ROR1: variants seen among roughly 807,000 people sequenced by gnomAD.
The protein encoded by ROR1 is inactive tyrosine-protein kinase transmembrane receptor ROR1.
A neutral mutation model predicts 78.8 loss-of-function variants in ROR1; 19 were observed. That is an observed-to-expected ratio of 0.24 (90% CI 0.17 to 0.35). The LOEUF (loss-of-function observed/expected upper bound fraction) is 0.35, where lower values mean the gene tolerates loss of function less well. Among genes scored for constraint, ROR1 ranks in the 10% least tolerant of loss-of-function variants. The pLI is 1.00. For synonymous variants in ROR1, 386 were observed against 433.6 expected (o/e 0.89, Z 1.36); for missense variants, 917 against 1,177.8 (o/e 0.78, Z 3.24).
intron 7 of ROR1, among the ~76,000 whole-genome samples, chr1:64,155,407 G>A (rs1649742516): frequency 6.6e-6 from 1 of 152,162 alleles, no homozygotes. Flanking sequence ...GGGCCTGAAT[G>A]TGTTTCTGTC....
chr1:63,930,224 C>T (rs767650212), intron 1 of ROR1, among the ~76,000 whole-genome samples: 15 of 151,970 alleles, frequency 9.9e-5, no homozygotes, highest in East Asian at 5.8e-4. Context: ...GCAGGGATTC[C>T]GGCTTATTGG....
At chr1:64,134,748 C>CTTT (rs58315931) in intron 4 of ROR1, among the ~76,000 whole-genome samples, 3 of 131,572 alleles carry the variant, frequency 2.3e-5, no homozygotes, top group Non-Finnish European at 1.6e-5. Flanking sequence ...TTCTTTCATT[C>CTTT]TTTTTTTTTT....
chr1:64,025,179 A>G (rs1229795649), intron 2 of ROR1, among the ~76,000 whole-genome samples: 5 of 152,162 alleles, frequency 3.3e-5, no homozygotes, highest in Non-Finnish European at 7.4e-5. Flanking sequence ...ACCCCTAGGA[A>G]GGGCAGCAGA....
chr1:63,838,589 CAA>C (rs1378021412), intron 1 of ROR1, among the ~76,000 whole-genome samples: 3 of 151,858 alleles, frequency 2.0e-5, no homozygotes, highest in East Asian at 1.9e-4. Context: ...AGCATTATTA[CAA>C]AAGAGTCCAG....
At chr1:64,098,328 C>T (rs1034900448) in intron 4 of ROR1, among the ~76,000 whole-genome samples, 16 of 152,030 alleles carry the variant, frequency 1.1e-4, no homozygotes, top group South Asian at 2.1e-4. Flanking sequence ...AGAAGGGGCC[C>T]GGGCTGTGCA....
At chr1:64,067,956 C>T (rs189766068) in intron 4 of ROR1, among the ~76,000 whole-genome samples, 141 of 152,176 alleles carry the variant, frequency 9.3e-4, no homozygotes, top group African/African-American at 3.3e-3. Flanking sequence ...TCGTGACCTG[C>T]CCACCTTGGC....
intron 4 of ROR1, among the ~76,000 whole-genome samples, chr1:64,128,916 T>C (rs1648813987): frequency 6.6e-6 from 1 of 152,154 alleles, no homozygotes; most frequent in African/African-American, 2.4e-5. Flanking sequence ...GGGAAGCCTT[T>C]AGGAAGATTG....
intron 1 of ROR1, among the ~76,000 whole-genome samples, chr1:63,851,808 T>C (rs1331205454): frequency 6.6e-6 from 1 of 152,264 alleles, no homozygotes; most frequent in Non-Finnish European, 1.5e-5. Flanking sequence ...AATGATTTTG[T>C]AAATAATCCT....
chr1:63,801,336 C>A (rs1434897575), intron 1 of ROR1, among the ~76,000 whole-genome samples: 1 of 151,958 alleles, frequency 6.6e-6, no homozygotes, highest in Admixed American at 6.6e-5. Context: ...GCTCTGTCAC[C>A]CAGGCTGGAG....
At chr1:63,928,135 A>G (rs1054763729) in intron 1 of ROR1, among the ~76,000 whole-genome samples, 1 of 152,196 alleles carries the variant, frequency 6.6e-6, no homozygotes, top group African/African-American at 2.4e-5. Flanking sequence ...TGCTCATGAA[A>G]TTGATCTTGA....
intron 2 of ROR1, among the ~76,000 whole-genome samples, chr1:64,024,515 C>T (rs575484835): frequency 1.1e-4 from 17 of 152,060 alleles, no homozygotes; most frequent in African/African-American, 4.1e-4. Context: ...AAAACAAAAA[C>T]AAATGTGTTC....
At chr1:63,936,686 T>C (rs577023231) in intron 1 of ROR1, among the ~76,000 whole-genome samples, 1 of 152,146 alleles carries the variant, frequency 6.6e-6, no homozygotes, top group Non-Finnish European at 1.5e-5. Flanking sequence ...GAATAACACA[T>C]CCTGCCGATG....
intron 1 of ROR1, among the ~76,000 whole-genome samples, chr1:63,795,362 A>G (rs769038142): frequency 5.9e-5 from 9 of 152,148 alleles, no homozygotes; most frequent in African/African-American, 2.2e-4. Context: ...GTTAATTTCA[A>G]CCAGTGGTAG....
chr1:63,970,846 G>T (rs1329952784), intron 1 of ROR1, among the ~76,000 whole-genome samples: 1 of 152,224 alleles, frequency 6.6e-6, no homozygotes, highest in Non-Finnish European at 1.5e-5. Context: ...TCAGGGCACA[G>T]AGCAGAAGTG....
intron 1 of ROR1, among the ~76,000 whole-genome samples, chr1:63,775,566 T>A (rs1031986743): frequency 6.6e-6 from 1 of 152,222 alleles, no homozygotes; most frequent in African/African-American, 2.4e-5. Flanking sequence ...TCTTTTATCA[T>A]GCATCTTTCA....
intron 8 of ROR1, among the ~76,000 whole-genome samples, chr1:64,165,819 C>T (rs1650071333): frequency 6.6e-6 from 1 of 151,266 alleles, no homozygotes; most frequent in Admixed American, 6.6e-5. Context: ...ATTATCATGC[C>T]TCAGCCTCCT....
intron 1 of ROR1, among the ~76,000 whole-genome samples, chr1:64,004,714 A>G (rs1011116127): frequency 6.6e-6 from 1 of 152,188 alleles, no homozygotes; most frequent in African/African-American, 2.4e-5. Flanking sequence ...ATGAACCAGT[A>G]ATCCTTTCGG....
chr1:64,053,607 A>T (rs1156581527), intron 4 of ROR1, among the ~76,000 whole-genome samples: 1 of 152,206 alleles, frequency 6.6e-6, no homozygotes, highest in African/African-American at 2.4e-5. Flanking sequence ...AGCTAGCAAC[A>T]TTGTTGAATA....
At chr1:63,805,066 G>C (rs891424696) in intron 1 of ROR1, among the ~76,000 whole-genome samples, 1 of 152,212 alleles carries the variant, frequency 6.6e-6, no homozygotes, top group Non-Finnish European at 1.5e-5. Flanking sequence ...CGCTGAAAGG[G>C]AGGGTTCCTT....
Sources: gnomAD v4.1 joint callset for allele counts (sites outside exome capture counted in the v4.1 genomes callset) on GRCh38, gnomAD v4.1.1 for gene constraint, MANE v1.5 for transcripts, NCBI Gene and HGNC (gene_info 2026-07-23, HGNC 2026-07-21) for gene names.